Variants in ZNF148 observed in about 807,000 individuals in gnomAD.
The protein encoded by ZNF148 is Beta-Enolase Repressor Factor-1.
A neutral mutation model predicts 67.7 loss-of-function variants in ZNF148; 7 were observed. The observed-to-expected ratio is 0.10, with a 90% CI of 0.06 to 0.19. The LOEUF (loss-of-function observed/expected upper bound fraction) is 0.19, where lower values mean the gene tolerates loss of function less well. ZNF148 is among the 10% of genes least tolerant of loss of function. The probability of loss-of-function intolerance (pLI) is 1.00; values close to 1 mark genes in which losing one functional copy is unlikely to be tolerated. For synonymous variants in ZNF148, 333 were observed against 330.7 expected (o/e 1.01, Z -0.08); for missense variants, 583 against 947.1 (o/e 0.62, Z 5.05).
intron 7 of ZNF148, among the ~76,000 whole-genome samples, chr3:125,255,889 T>C (rs1407736279): frequency 6.6e-6 from 1 of 152,122 alleles, no homozygotes; most frequent in Non-Finnish European, 1.5e-5. Context: ...TCTTGGTCTT[T>C]AGTTTTCAGC....
chr3:125,316,935 GATA>G, intron 3 of ZNF148, among the ~76,000 whole-genome samples: 1 of 152,244 alleles, frequency 6.6e-6, no homozygotes, highest in Non-Finnish European at 1.5e-5. Flanking sequence ...TCTGGGGACA[GATA>G]ATATTTTGGA....
chr3:125,330,447 C>G (rs1171487446), intron 2 of ZNF148, among the ~76,000 whole-genome samples: 2 of 119,302 alleles, frequency 1.7e-5, no homozygotes, highest in East Asian at 4.7e-4. Flanking sequence ...GCCTGGGCAA[C>G]AGGGCAAAAC....
At chr3:125,305,887 TAC>T (rs986530262) in intron 4 of ZNF148, among the ~76,000 whole-genome samples, 3 of 151,436 alleles carry the variant, frequency 2.0e-5, no homozygotes, top group African/African-American at 7.3e-5. Flanking sequence ...ATAGCCAGAA[TAC>T]ACATTCTTTT....
At chr3:125,358,428 A>G (rs1942436329) in intron 1 of ZNF148, among the ~76,000 whole-genome samples, 1 of 152,218 alleles carries the variant, frequency 6.6e-6, no homozygotes, top group Non-Finnish European at 1.5e-5. Context: ...TACCAAATCA[A>G]TACATAAATA....
intron 2 of ZNF148, among the ~76,000 whole-genome samples, chr3:125,330,691 A>G (rs1941253574): frequency 6.6e-6 from 1 of 151,982 alleles, no homozygotes; most frequent in Non-Finnish European, 1.5e-5. Flanking sequence ...TAAAAATACA[A>G]CAAACAGAAG....
chr3:125,326,921 C>A (rs1941054296), intron 2 of ZNF148, among the ~76,000 whole-genome samples: 1 of 150,010 alleles, frequency 6.7e-6, no homozygotes, highest in Admixed American at 6.7e-5. Context: ...GTAAATCCAA[C>A]CATATCCCTA....
rs781613572 is a variant in ZNF148, at chr3:125,232,967, C to T, written c.1759G>A (p.Val587Ile). 6.2e-6 allele frequency: 10 copies of T among 1,613,850 alleles called. No homozygotes were observed. Among genetic ancestry groups the T allele is most frequent in the Middle Eastern group, 1.7e-4 (1 of 6,060 alleles). The change falls in exon 9 of 9, where the codon GTT (valine) becomes ATT (isoleucine). Residue 587 changes from valine (V) to isoleucine (I), a missense_variant. Physicochemically the swap from Val to Ile is conservative, Grantham distance 29. Coordinates refer to ENST00000360647, the MANE Select transcript of ZNF148 (RefSeq NM_021964.3). This position sits in a 1 kb window ranked among gnomAD's most constrained non-coding sequence, Gnocchi z 4.2. Reference sequence around the variant, plus strand: ...GAGGATGCTTGGGAGCTTGATCCAACATTCTCTGACGGGGTGACCTCTGGT... The same window carrying T: ...GAGGATGCTTGGGAGCTTGATCCAATATTCTCTGACGGGGTGACCTCTGGT... ...EVPEVTPSENVGSSSQASSSD... is the reference protein window; with the variant it reads ...EVPEVTPSENIGSSSQASSSD...
chr3:125,297,039 T>A (rs780567101), intron 4 of ZNF148, among the ~76,000 whole-genome samples: 1 of 152,034 alleles, frequency 6.6e-6, no homozygotes, highest in African/African-American at 2.4e-5. Flanking sequence ...TTATAACAAT[T>A]TTTATTTTCT....
chr3:125,287,980 C>A lies in ZNF148; in HGVS notation c.459+123G>T, dbSNP rs935152657. On this transcript the variant is annotated intron_variant, in intron 5 of 8. Transcript: ENST00000360647. ...ACCACCTCCATGCAGGCACGCACCC[C>A]CTCCTACTAAACCACACAAGACTTC... 5.8e-6 allele frequency: 8 copies of A among 1,383,106 alleles called. No individual in the cohort carries two copies. In the South Asian group the frequency reaches 9.9e-5, roughly 17 times the overall value. The allele number at this position is 1,383,106 out of a possible 1,614,324, so 85.7% of individuals were successfully genotyped here.
chr3:125,298,604 T>G (rs1476597016), intron 4 of ZNF148, among the ~76,000 whole-genome samples: 1 of 150,860 alleles, frequency 6.6e-6, no homozygotes, highest in African/African-American at 2.4e-5. Context: ...CAAAATATTG[T>G]ACATTTATAT....
chr3:125,259,402 A>AG (rs1937235483), intron 7 of ZNF148, among the ~76,000 whole-genome samples: 1 of 152,224 alleles, frequency 6.6e-6, no homozygotes, highest in African/African-American at 2.4e-5. Context: ...GATACTGTGG[A>AG]GATGTAAAAT....
At position 125,362,851 on chromosome 3, in the gene ZNF148, G is replaced by A. The variant is rs572183832; in HGVS notation, c.-234+12251C>T. Among the ~76,000 whole-genome samples, 8 of 152,166 alleles carry A rather than the reference G, an allele frequency of 5.3e-5. No homozygotes were observed. The South Asian group carries it at 1.0e-3, about 20-fold the overall frequency. On this transcript the variant is annotated intron_variant, in intron 1 of 8. Transcript: ENST00000360647. The stretch of plus-strand genomic sequence containing the variant: ...ATAACAGGTATGAGCTACCATGCTT[G>A]GCCAGTCCTTACCCTCTTTTTGGCA...
At chr3:125,356,652 ATTC>A (rs1331611462) in intron 1 of ZNF148, among the ~76,000 whole-genome samples, 1 of 152,166 alleles carries the variant, frequency 6.6e-6, no homozygotes, top group Non-Finnish European at 1.5e-5. Flanking sequence ...ATTTTGCAAA[ATTC>A]TTCATGTAAA....
At chr3:125,270,026 G>A (rs778552303) in intron 7 of ZNF148, among the ~76,000 whole-genome samples, 2 of 152,154 alleles carry the variant, frequency 1.3e-5, no homozygotes, top group Non-Finnish European at 1.5e-5. Flanking sequence ...CTGTCTGGGT[G>A]ACAGGATTAA....
intron 1 of ZNF148, among the ~76,000 whole-genome samples, chr3:125,360,298 AT>A (rs897760856): frequency 1.3e-5 from 2 of 150,090 alleles, no homozygotes; most frequent in Non-Finnish European, 3.0e-5. Context: ...TATTTTTTTG[AT>A]TTTTTTAGAC....
At chr3:125,350,190 C>G (rs1221432536) in intron 1 of ZNF148, among the ~76,000 whole-genome samples, 4 of 151,996 alleles carry the variant, frequency 2.6e-5, no homozygotes, top group Non-Finnish European at 4.4e-5. Context: ...GACAGAGTCT[C>G]ACTCTGTCAC....
intron 3 of ZNF148, among the ~76,000 whole-genome samples, chr3:125,316,753 C>T (rs918096325): frequency 6.6e-5 from 10 of 152,078 alleles, no homozygotes; most frequent in Non-Finnish European, 1.2e-4. Flanking sequence ...TTATTAATCC[C>T]TTGTCAGATG....
intron 7 of ZNF148, among the ~76,000 whole-genome samples, chr3:125,270,916 A>T (rs758656600): frequency 2.6e-5 from 4 of 152,190 alleles, no homozygotes; most frequent in Non-Finnish European, 5.9e-5. Context: ...TACTTCTCAA[A>T]CTGACCAAAG....
chr3:125,330,062 A>G (rs533642381), intron 2 of ZNF148, among the ~76,000 whole-genome samples: 1 of 152,324 alleles, frequency 6.6e-6, no homozygotes, highest in Non-Finnish European at 1.5e-5. Flanking sequence ...AACGTGGGTA[A>G]AGAAGTGAAA....
Sources: allele counts gnomAD v4.1 joint callset (sites outside exome capture counted in the v4.1 genomes callset), GRCh38; gene constraint gnomAD v4.1.1; non-coding constraint Gnocchi (gnomAD v3.1); transcripts MANE v1.5; gene names NCBI Gene and HGNC (gene_info 2026-07-23, HGNC 2026-07-21).